Variants in SBF2 observed in about 807,000 individuals in gnomAD.
SBF2 encodes SET binding factor 2, also known as myotubularin-related protein 13.
In SBF2, 112 loss-of-function variants were observed where a neutral mutation model predicts 225.2. The observed-to-expected ratio is 0.50, with a 90% CI of 0.43 to 0.58. SBF2 has a LOEUF of 0.58. Ranked by LOEUF, SBF2 falls within the 20% of genes least tolerant of loss-of-function variation. The probability of loss-of-function intolerance (pLI) is 0.00; values close to 1 mark genes in which losing one functional copy is unlikely to be tolerated. For synonymous variants in SBF2, 763 were observed against 773.3 expected (o/e 0.99, Z 0.22); for missense variants, 1,996 against 2,206.2 (o/e 0.90, Z 1.91).
chr11:10,103,712 T>C (rs1272093705), intron 2 of SBF2, among the ~76,000 whole-genome samples: 1 of 152,126 alleles, frequency 6.6e-6, no homozygotes, highest in African/African-American at 2.4e-5. Flanking sequence ...GGAAATAACT[T>C]TTAGGACTCT....
intron 13 of SBF2, among the ~76,000 whole-genome samples, chr11:9,984,964 T>C (rs941535281): frequency 6.6e-6 from 1 of 152,090 alleles, no homozygotes; most frequent in African/African-American, 2.4e-5. Flanking sequence ...TGGAAACATA[T>C]CAAAACAGAA....
chr11:10,213,578 C>T (rs1242904682), intron 1 of SBF2, among the ~76,000 whole-genome samples: 2 of 152,166 alleles, frequency 1.3e-5, no homozygotes, highest in Non-Finnish European at 2.9e-5. Flanking sequence ...TCTTTTGATG[C>T]ACAAAACTTG....
chr11:10,280,388 C>T (rs1381257107), intron 1 of SBF2, among the ~76,000 whole-genome samples: 3 of 152,174 alleles, frequency 2.0e-5, no homozygotes, highest in Non-Finnish European at 1.5e-5. Context: ...CAACTGTTCT[C>T]ATTCCATTGA....
chr11:10,258,974 G>GA (rs894729590), intron 1 of SBF2, among the ~76,000 whole-genome samples: 3 of 152,210 alleles, frequency 2.0e-5, no homozygotes, highest in Admixed American at 6.5e-5. Flanking sequence ...AAGGCATAGA[G>GA]AAAAGTAAGA....
At chr11:10,204,724 T>C (rs890505668) in intron 1 of SBF2, among the ~76,000 whole-genome samples, 1 of 151,252 alleles carries the variant, frequency 6.6e-6, no homozygotes, top group Non-Finnish European at 1.5e-5. Context: ...GAAAACCATA[T>C]GCTAATTGAA....
intron 16 of SBF2, among the ~76,000 whole-genome samples, chr11:9,947,168 T>C (rs1010155903): frequency 5.3e-5 from 8 of 152,226 alleles, no homozygotes; most frequent in Admixed American, 2.6e-4. Context: ...CAAGTGCCTA[T>C]AGATAACCAA....
At chr11:10,096,714 C>T (rs370563710) in intron 2 of SBF2, among the ~76,000 whole-genome samples, 1 of 152,088 alleles carries the variant, frequency 6.6e-6, no homozygotes, top group Non-Finnish European at 1.5e-5. Context: ...CAAAAGGCAC[C>T]TCAATAGTAC....
chr11:10,239,680 CTA>C, intron 1 of SBF2, among the ~76,000 whole-genome samples: 1 of 137,424 alleles, frequency 7.3e-6, no homozygotes, highest in Admixed American at 7.2e-5. Flanking sequence ...AAAATACCAA[CTA>C]ATGATCATTA....
At position 9,804,117 on chromosome 11, in the gene SBF2, G is replaced by A. The variant is rs114629609; in HGVS notation, c.4443+3883C>T. 4.0e-3 allele frequency among the ~76,000 whole-genome samples: 606 copies of A among 152,144 alleles called. 6 individuals are homozygous for A. The highest frequency in any genetic ancestry group is 0.014 in the African/African-American group (572 of 41,496). ...ATTACCCTTTTCAGAGCAACAGATC[G>A]GAGGTTTATTTTCTGAAAAACAAAC... On this transcript the variant is annotated intron_variant, in intron 32 of 39. Transcript: ENST00000256190.
intron 2 of SBF2, among the ~76,000 whole-genome samples, chr11:10,066,306 T>C (rs966430634): frequency 6.6e-6 from 1 of 151,220 alleles, no homozygotes; most frequent in African/African-American, 2.4e-5. Flanking sequence ...AACACAGTTG[T>C]AAAAATACTA....
intron 2 of SBF2, among the ~76,000 whole-genome samples, chr11:10,192,035 T>C (rs1371410934): frequency 1.3e-5 from 2 of 152,078 alleles, no homozygotes; most frequent in East Asian, 3.8e-4. Flanking sequence ...TGAATGGAGG[T>C]AGGAACCCAC....
rs780071398 is a variant in SBF2 at position 9,992,999 on chromosome 11, A to C, written c.1158T>G (p.His386Gln). Residue 386 changes from histidine to glutamine, a missense_variant, in exon 11 of 40, where the codon CAT (histidine) becomes CAG (glutamine). His to Gln is a conservative substitution (Grantham distance 24, BLOSUM62 0). Transcript: ENST00000256190. ...LIRIHAEPVIHFHKTAFLGQR... is the reference protein window; with the variant it reads ...LIRIHAEPVIQFHKTAFLGQR... ...TAGTACTCTATCTTACCTTGTGGAAATGTATTACTGGCTCTGCATGAATTC... is the reference window on the plus strand; with the variant it reads ...TAGTACTCTATCTTACCTTGTGGAACTGTATTACTGGCTCTGCATGAATTC... The C allele has an allele frequency of 6.2e-7, 1 of 1,600,508 alleles. No homozygotes were observed. Among genetic ancestry groups the C allele is most frequent in the African/African-American group, 1.3e-5 (1 of 74,602 alleles).
chr11:9,791,255 C>T (rs1413118814), intron 33 of SBF2: 2 of 152,028 alleles, frequency 1.3e-5, no homozygotes, highest in Non-Finnish European at 2.9e-5. Flanking sequence ...TTCAAATAGT[C>T]AATCTATTAC....
chr11:10,204,760 A>G (rs557091396), intron 1 of SBF2, among the ~76,000 whole-genome samples: 2 of 152,216 alleles, frequency 1.3e-5, no homozygotes, highest in African/African-American at 4.8e-5. Context: ...AAGGCTACAT[A>G]TTGTATGAGT....
intron 6 of SBF2, among the ~76,000 whole-genome samples, chr11:10,026,426 T>C (rs1565148278): frequency 6.6e-6 from 1 of 152,114 alleles, no homozygotes; most frequent in Non-Finnish European, 1.5e-5. Flanking sequence ...AGGTAGTCCA[T>C]GAATCTACTA....
chr11:10,300,811 C>CTTTTTTTTTTTTTTTTTTTTTTTG (rs570381146), intron 1 of SBF2, among the ~76,000 whole-genome samples: 1 of 138,128 alleles, frequency 7.2e-6, no homozygotes. Flanking sequence ...CTCTCTCTCT[C>CTTTTTTTTTTTTTTTTTTTTTTTG]TTTTTTTTTT....
intron 2 of SBF2, among the ~76,000 whole-genome samples, chr11:10,115,756 T>C (rs1400761369): frequency 6.6e-6 from 1 of 152,174 alleles, no homozygotes; most frequent in Non-Finnish European, 1.5e-5. Flanking sequence ...TCTTTCACAC[T>C]TTAATGTTTC....
At chr11:9,999,768 G>A (rs1276268322) in intron 8 of SBF2, among the ~76,000 whole-genome samples, 2 of 152,164 alleles carry the variant, frequency 1.3e-5, no homozygotes, top group Non-Finnish European at 2.9e-5. Flanking sequence ...TAGGAACTAA[G>A]TATCAACATA....
At chr11:10,158,973 G>A (rs1451805897) in intron 2 of SBF2, among the ~76,000 whole-genome samples, 1 of 152,044 alleles carries the variant, frequency 6.6e-6, no homozygotes, top group African/African-American at 2.4e-5. Context: ...AACAAATTAG[G>A]TAAGAAGGAT....
Sources: gnomAD v4.1 joint callset for allele counts (sites outside exome capture counted in the v4.1 genomes callset) on GRCh38, gnomAD v4.1.1 for gene constraint, MANE v1.5 for transcripts, NCBI Gene and HGNC (gene_info 2026-07-23, HGNC 2026-07-21) for gene names.